LRMDA: variants seen among roughly 807,000 people sequenced by gnomAD.
LRMDA encodes leucine-rich melanocyte differentiation-associated protein.
Under a neutral mutation model 29.8 loss-of-function variants are expected in LRMDA, and 18 were observed. That is an observed-to-expected ratio of 0.60 (90% CI 0.42 to 0.90). LRMDA has a LOEUF of 0.90. LRMDA is among the 40% of genes least tolerant of loss of function. LRMDA has a pLI of 0.00. For missense variants in LRMDA, 273 were observed against 273.9 expected, an observed-to-expected ratio of 1.00 and a Z score of 0.02; for synonymous variants, 125 against 109.4, an observed-to-expected ratio of 1.14 and a Z score of -0.89.
chr10:75,443,615 G>C (rs1844356046), intron 2 of LRMDA, among the ~76,000 whole-genome samples: 1 of 152,146 alleles, frequency 6.6e-6, no homozygotes, highest in African/African-American at 2.4e-5. Context: ...TGCTGATTGT[G>C]TTGAGTATTT....
At chr10:75,704,148 A>C (rs953440757) in intron 2 of LRMDA, among the ~76,000 whole-genome samples, 9 of 152,252 alleles carry the variant, frequency 5.9e-5, no homozygotes, top group Non-Finnish European at 1.0e-4. Context: ...AGTATGAAGT[A>C]CATCCATAAT....
chr10:75,803,392 A>G (rs961468159), intron 2 of LRMDA, among the ~76,000 whole-genome samples: 2 of 152,212 alleles, frequency 1.3e-5, no homozygotes, highest in African/African-American at 4.8e-5. Context: ...ATACAGGTCC[A>G]CTGGTTACCT....
intron 2 of LRMDA, among the ~76,000 whole-genome samples, chr10:75,958,768 G>A (rs1374504504): frequency 1.3e-5 from 2 of 152,112 alleles, no homozygotes; most frequent in South Asian, 2.1e-4. Flanking sequence ...CCCGAGACTC[G>A]GTAATTTATA....
chr10:76,506,568 G>GTTATTCT (rs1405740314), intron 6 of LRMDA, among the ~76,000 whole-genome samples: 1 of 151,994 alleles, frequency 6.6e-6, no homozygotes, highest in African/African-American at 2.4e-5. Context: ...AACACTAGAA[G>GTTATTCT]TTATTCTTTC....
At chr10:75,560,408 G>T (rs1249544225) in intron 2 of LRMDA, among the ~76,000 whole-genome samples, 2 of 149,818 alleles carry the variant, frequency 1.3e-5, no homozygotes, top group Non-Finnish European at 3.0e-5. Flanking sequence ...TGCTGAAGTT[G>T]CTTATCAGCT....
At chr10:76,416,811 G>C (rs931087426) in intron 6 of LRMDA, among the ~76,000 whole-genome samples, 1 of 152,160 alleles carries the variant, frequency 6.6e-6, no homozygotes, top group Non-Finnish European at 1.5e-5. Flanking sequence ...ACACCCTGTT[G>C]GTTTGTAGTT....
intron 6 of LRMDA, among the ~76,000 whole-genome samples, chr10:76,382,376 A>C (rs752256981): frequency 1.2e-4 from 19 of 152,206 alleles, no homozygotes; most frequent in Non-Finnish European, 2.6e-4. Context: ...TTTTCCACCA[A>C]CAACACCAAC....
At chr10:76,313,981 G>C (rs1393746812) in intron 5 of LRMDA, among the ~76,000 whole-genome samples, 2 of 151,952 alleles carry the variant, frequency 1.3e-5, no homozygotes, top group Non-Finnish European at 2.9e-5. Flanking sequence ...TGCTGAACTG[G>C]ATAATAGTTT....
intron 2 of LRMDA, among the ~76,000 whole-genome samples, chr10:76,019,737 C>A (rs1283403066): frequency 1.3e-5 from 2 of 152,040 alleles, no homozygotes; most frequent in African/African-American, 4.8e-5. Flanking sequence ...ATTGGTGCAG[C>A]TTGGATTCAT....
intron 2 of LRMDA, among the ~76,000 whole-genome samples, chr10:75,480,346 G>T (rs564216927): frequency 7.1e-6 from 1 of 141,060 alleles, no homozygotes; most frequent in African/African-American, 2.7e-5. Context: ...CAGGCAGAGG[G>T]AACACAACAG....
intron 2 of LRMDA, among the ~76,000 whole-genome samples, chr10:75,714,841 C>CCCT (rs1422267004): frequency 3.9e-4 from 48 of 122,746 alleles, no homozygotes; most frequent in Admixed American, 1.8e-3. Context: ...TTCTTTCCCT[C>CCCT]CCTCCCTCCC....
intron 5 of LRMDA, among the ~76,000 whole-genome samples, chr10:76,110,443 G>A (rs1310831407): frequency 6.6e-6 from 1 of 152,174 alleles, no homozygotes; most frequent in African/African-American, 2.4e-5. Context: ...GCAAAATACA[G>A]ACAAATCAGG....
chr10:75,485,552 A>G (rs2132056469), intron 2 of LRMDA, among the ~76,000 whole-genome samples: 1 of 152,166 alleles, frequency 6.6e-6, no homozygotes, highest in Non-Finnish European at 1.5e-5. Context: ...GTGTGCCACC[A>G]TGCCCAGCTA....
chr10:76,370,619 C>T (rs933084998), intron 6 of LRMDA, among the ~76,000 whole-genome samples: 1 of 152,090 alleles, frequency 6.6e-6, no homozygotes, highest in Non-Finnish European at 1.5e-5. Flanking sequence ...GAGAGAAAGA[C>T]TATATTCGTA....
intron 6 of LRMDA, among the ~76,000 whole-genome samples, chr10:76,485,081 T>G (rs562454322): frequency 1.3e-5 from 2 of 151,910 alleles, no homozygotes; most frequent in Non-Finnish European, 2.9e-5. Context: ...GTTTTTTATC[T>G]GCTTCAACAA....
At chr10:75,846,052 C>T (rs1322505476) in intron 2 of LRMDA, among the ~76,000 whole-genome samples, 6 of 152,150 alleles carry the variant, frequency 3.9e-5, no homozygotes, top group Non-Finnish European at 8.8e-5. Context: ...GATGTTGAAG[C>T]CAGGCTTATG....
At chr10:76,133,638 C>T (rs1337447669) in intron 5 of LRMDA, among the ~76,000 whole-genome samples, 1 of 152,242 alleles carries the variant, frequency 6.6e-6, no homozygotes, top group African/African-American at 2.4e-5. Context: ...AGCTGCCTGG[C>T]TCCTGACAGC....
intron 2 of LRMDA, among the ~76,000 whole-genome samples, chr10:75,719,675 A>G (rs977792763): frequency 1.3e-5 from 2 of 152,222 alleles, no homozygotes; most frequent in Non-Finnish European, 2.9e-5. Context: ...GGGTTTGCAC[A>G]GCATTGTGGG....
At chr10:76,401,511 G>A (rs185918461) in intron 6 of LRMDA, among the ~76,000 whole-genome samples, 291 of 152,230 alleles carry the variant, frequency 1.9e-3, no homozygotes, top group African/African-American at 6.3e-3. Flanking sequence ...AGAAGGTAGT[G>A]GGGTATATGC....
Sources: allele counts gnomAD v4.1 joint callset (sites outside exome capture counted in the v4.1 genomes callset), GRCh38; gene constraint gnomAD v4.1.1; transcripts MANE v1.5; gene names NCBI Gene and HGNC (gene_info 2026-07-23, HGNC 2026-07-21).